ENTREP2: variants seen among roughly 807,000 people sequenced by gnomAD.
ENTREP2 encodes the protein protein ENTREP2.
chr15:29,210,658 T>C, the ENTREP2 span, among the ~76,000 whole-genome samples: 1 of 152,128 alleles, frequency 6.6e-6, no homozygotes, highest in Non-Finnish European at 1.5e-5. Context: ...ATGGAAAAAT[T>C]GTCTTCCACA....
the ENTREP2 span, among the ~76,000 whole-genome samples, chr15:29,656,774 A>C: frequency 6.6e-6 from 1 of 152,072 alleles, no homozygotes; most frequent in Admixed American, 6.6e-5. Flanking sequence ...TGGTAAAGCC[A>C]CTCTGAAAAA....
the ENTREP2 span, among the ~76,000 whole-genome samples, chr15:29,668,325 C>T: frequency 4.6e-5 from 7 of 152,192 alleles, no homozygotes; most frequent in Non-Finnish European, 7.3e-5. Context: ...TACTTTCCAG[C>T]AGATGGCGCC....
the ENTREP2 span, among the ~76,000 whole-genome samples, chr15:29,345,328 TC>T: frequency 6.6e-6 from 1 of 152,114 alleles, no homozygotes; most frequent in African/African-American, 2.4e-5. Flanking sequence ...CCAGGGTCCT[TC>T]CTGTGAGCAG....
At chr15:29,397,288 G>T in the ENTREP2 span, among the ~76,000 whole-genome samples, 4 of 152,310 alleles carry the variant, frequency 2.6e-5, no homozygotes, top group African/African-American at 9.6e-5. Flanking sequence ...CTACTCAGGA[G>T]GCTGAGGTAG....
chr15:29,269,813 G>A, the ENTREP2 span: 14 of 1,047,050 alleles, frequency 1.3e-5, no homozygotes, highest in Non-Finnish European at 1.7e-5. Flanking sequence ...GCGCAGTGTC[G>A]GCTGAGACTG....
the ENTREP2 span, among the ~76,000 whole-genome samples, chr15:29,653,027 A>G: frequency 1.9e-4 from 29 of 152,356 alleles, no homozygotes; most frequent in East Asian, 3.3e-3. Flanking sequence ...TAAAACTGCA[A>G]GAAGTGTATC....
chr15:29,468,894 AT>A, the ENTREP2 span, among the ~76,000 whole-genome samples: 17 of 152,160 alleles, frequency 1.1e-4, no homozygotes, highest in Admixed American at 8.5e-4. Context: ...TACAAAAAAA[AT>A]ATATTAATAT....
chr15:29,671,190 C>A, the ENTREP2 span, among the ~76,000 whole-genome samples: 1 of 152,224 alleles, frequency 6.6e-6, no homozygotes, highest in Admixed American at 6.5e-5. Context: ...GGGTGGCACA[C>A]CCCGACTCCA....
At chr15:29,184,056 C>T in the ENTREP2 span, among the ~76,000 whole-genome samples, 3 of 152,110 alleles carry the variant, frequency 2.0e-5, no homozygotes, top group Non-Finnish European at 4.4e-5. Context: ...TCTTGGCTTA[C>T]TGCATGCAGC....
the ENTREP2 span, among the ~76,000 whole-genome samples, chr15:29,166,644 C>T: frequency 2.0e-5 from 3 of 148,782 alleles, no homozygotes; most frequent in Middle Eastern, 0.01. Flanking sequence ...AGAAAAACTA[C>T]AAAACACTGC....
At chr15:29,124,331 A>G in the ENTREP2 span, among the ~76,000 whole-genome samples, 9 of 152,338 alleles carry the variant, frequency 5.9e-5, no homozygotes, top group South Asian at 1.7e-3. Flanking sequence ...CACGCCACAC[A>G]AAGTTGGAAC....
At chr15:29,498,314 A>C in the ENTREP2 span, among the ~76,000 whole-genome samples, 2,061 of 152,140 alleles carry the variant, frequency 0.014, 41 homozygotes, top group African/African-American at 0.047. Flanking sequence ...ATATACCCAA[A>C]GTTTTGGTAC....
At chr15:29,579,835 C>T in the ENTREP2 span, among the ~76,000 whole-genome samples, 1 of 151,336 alleles carries the variant, frequency 6.6e-6, no homozygotes, top group Admixed American at 6.6e-5. Context: ...CTCAGCCTCC[C>T]GAGTAGCTGG....
the ENTREP2 span, chr15:29,265,738 A>G: frequency 6.6e-6 from 1 of 152,254 alleles, no homozygotes. Flanking sequence ...GGACATTGCT[A>G]CAAAATACTG....
At chr15:29,599,229 T>C in the ENTREP2 span, among the ~76,000 whole-genome samples, 1 of 152,232 alleles carries the variant, frequency 6.6e-6, no homozygotes, top group South Asian at 2.1e-4. Context: ...CTGCTGAGCA[T>C]GCACAGAAAG....
chr15:29,282,584 T>C, the ENTREP2 span, among the ~76,000 whole-genome samples: 1 of 152,136 alleles, frequency 6.6e-6, no homozygotes, highest in Non-Finnish European at 1.5e-5. Flanking sequence ...TTCAAATTGT[T>C]CCTCGTTTCC....
At chr15:29,517,456 C>A in the ENTREP2 span, among the ~76,000 whole-genome samples, 8 of 152,118 alleles carry the variant, frequency 5.3e-5, no homozygotes, top group Non-Finnish European at 8.8e-5. Context: ...CTACATTATA[C>A]CGTTCTTTGA....
the ENTREP2 span, among the ~76,000 whole-genome samples, chr15:29,634,030 T>A: frequency 6.6e-6 from 1 of 152,030 alleles, no homozygotes; most frequent in Non-Finnish European, 1.5e-5. Context: ...GTTCTGCCAG[T>A]GGTGGGGCTG....
chr15:29,519,244 A>T, the ENTREP2 span, among the ~76,000 whole-genome samples: 1 of 151,956 alleles, frequency 6.6e-6, no homozygotes, highest in Non-Finnish European at 1.5e-5. Context: ...CAACTTCAGG[A>T]TTATCAATAA....
Sources: gnomAD v4.1 joint callset for allele counts (sites outside exome capture counted in the v4.1 genomes callset) on GRCh38, gnomAD v4.1.1 for gene constraint, MANE v1.5 for transcripts, NCBI Gene and HGNC (gene_info 2026-07-23, HGNC 2026-07-21) for gene names.